Variants in DGLUCY observed in about 807,000 individuals in gnomAD.
The protein encoded by DGLUCY is D-glutamate cyclase, mitochondrial.
In DGLUCY, 58 loss-of-function variants were observed where a neutral mutation model predicts 58.5. That is an observed-to-expected ratio of 0.99 (90% CI 0.80 to 1.23). The LOEUF (loss-of-function observed/expected upper bound fraction) is 1.23, where lower values mean the gene tolerates loss of function less well. DGLUCY is among the 50% of genes most tolerant of loss of function. DGLUCY has a pLI of 0.00. For missense variants in DGLUCY, 779 were observed against 784.7 expected, an observed-to-expected ratio of 0.99 and a Z score of 0.09; for synonymous variants, 325 against 314.1, an observed-to-expected ratio of 1.03 and a Z score of -0.37.
chr14:91,153,126 C>T (rs1380326676), intron 1 of DGLUCY, among the ~76,000 whole-genome samples: 1 of 152,174 alleles, frequency 6.6e-6, no homozygotes, highest in Admixed American at 6.5e-5. Flanking sequence ...CGCCTTTTCT[C>T]AGCTGCCTTT....
intron 3 of DGLUCY, among the ~76,000 whole-genome samples, chr14:91,162,264 T>G (rs1023792908): frequency 2.6e-5 from 4 of 152,122 alleles, no homozygotes; most frequent in African/African-American, 9.7e-5. Context: ...ATTAGAAATG[T>G]TAAAGGGTGT....
At chr14:91,164,720 T>C (rs139943021) in intron 3 of DGLUCY, among the ~76,000 whole-genome samples, 79 of 152,252 alleles carry the variant, frequency 5.2e-4, no homozygotes, top group African/African-American at 1.8e-3. Context: ...TGGAACCACC[T>C]AAAGCTGGGG....
At chr14:91,063,668 G>T (rs1023213959) in intron 1 of DGLUCY, among the ~76,000 whole-genome samples, 1 of 152,256 alleles carries the variant, frequency 6.6e-6, no homozygotes, top group African/African-American at 2.4e-5. Flanking sequence ...GGCAGGCAAA[G>T]AGCCTATTCG....
chr14:91,195,365 A>T (rs2050138298), intron 9 of DGLUCY, among the ~76,000 whole-genome samples: 1 of 152,186 alleles, frequency 6.6e-6, no homozygotes, highest in Non-Finnish European at 1.5e-5. Context: ...ATTCTACAAC[A>T]ATACGTGTTC....
intron 1 of DGLUCY, among the ~76,000 whole-genome samples, chr14:91,128,140 A>G (rs540072004): frequency 6.6e-6 from 1 of 152,028 alleles, no homozygotes; most frequent in East Asian, 1.9e-4. Context: ...CCTGGTACAG[A>G]ATTCTGAGTT....
intron 1 of DGLUCY, among the ~76,000 whole-genome samples, chr14:91,120,906 C>T (rs1311996291): frequency 6.6e-6 from 1 of 152,178 alleles, no homozygotes; most frequent in Non-Finnish European, 1.5e-5. Flanking sequence ...TCTTCACATT[C>T]ATCCTCCACC....
upstream of DGLUCY, among the ~76,000 whole-genome samples, chr14:91,109,218 T>C (rs182193866): frequency 3.3e-5 from 5 of 152,286 alleles, no homozygotes; most frequent in Admixed American, 3.3e-4. Context: ...CTGCAAACCC[T>C]GGAACCCTTG....
intron 7 of DGLUCY, among the ~76,000 whole-genome samples, chr14:91,180,153 G>A (rs1040236517): frequency 2.6e-5 from 4 of 151,684 alleles, no homozygotes; most frequent in Admixed American, 2.6e-4. Context: ...GCCTCCCAAA[G>A]TATTGGGATT....
At chr14:91,085,240 A>G (rs894240900) in intron 1 of DGLUCY, among the ~76,000 whole-genome samples, 2 of 151,406 alleles carry the variant, frequency 1.3e-5, no homozygotes, top group African/African-American at 4.9e-5. Context: ...AAAAAAAAAA[A>G]AGTTAACAGA....
At chr14:91,075,009 T>C (rs1203379287) in intron 1 of DGLUCY, among the ~76,000 whole-genome samples, 1 of 151,658 alleles carries the variant, frequency 6.6e-6, no homozygotes, top group East Asian at 1.9e-4. Flanking sequence ...GAGGTGGAAG[T>C]TGCAGTGAGC....
intron 1 of DGLUCY, among the ~76,000 whole-genome samples, chr14:91,136,491 T>TG (rs1169397850): frequency 6.6e-6 from 1 of 151,848 alleles, no homozygotes; most frequent in Non-Finnish European, 1.5e-5. Context: ...AAGACCAGCC[T>TG]GGCCAACATG....
intron 1 of DGLUCY, chr14:91,108,136 G>T (rs76920016): frequency 0.03 from 4,652 of 152,820 alleles, 100 homozygotes; most frequent in South Asian, 0.058. Flanking sequence ...TGTGCAGGTG[G>T]AAGTGTCTTC....
chr14:91,130,576 G>A (rs2045973356), intron 1 of DGLUCY, among the ~76,000 whole-genome samples: 3 of 152,048 alleles, frequency 2.0e-5, no homozygotes, highest in African/African-American at 7.2e-5. Flanking sequence ...AAATTGCTGG[G>A]ATTACAGGTG....
intron 1 of DGLUCY, chr14:91,114,514 G>A (rs1453422169): frequency 2.6e-5 from 4 of 152,174 alleles, no homozygotes; most frequent in Non-Finnish European, 5.9e-5. Flanking sequence ...AGCACCTGAG[G>A]ACAGAACATA....
At chr14:91,106,969 A>C (rs2044603357), upstream of DGLUCY, among the ~76,000 whole-genome samples, 1 of 152,188 alleles carries the variant, frequency 6.6e-6, no homozygotes, top group Non-Finnish European at 1.5e-5. Context: ...GTTTTTAAAC[A>C]GTTACAGTTT....
intron 12 of DGLUCY, among the ~76,000 whole-genome samples, chr14:91,209,431 G>A (rs532181256): frequency 5.7e-4 from 87 of 151,546 alleles, no homozygotes; most frequent in African/African-American, 2.0e-3. Context: ...GATTGAGGCC[G>A]CGTGCGGTGG....
At chr14:91,172,196 G>A (rs991724521) in intron 5 of DGLUCY, among the ~76,000 whole-genome samples, 19 of 152,082 alleles carry the variant, frequency 1.2e-4, no homozygotes, top group Non-Finnish European at 1.5e-5. Flanking sequence ...TCAGCCTCCC[G>A]AGTAGCTGGG....
At chr14:91,219,526 G>C (rs1266217700) in intron 13 of DGLUCY, among the ~76,000 whole-genome samples, 1 of 152,368 alleles carries the variant, frequency 6.6e-6, no homozygotes, top group Non-Finnish European at 1.5e-5. Flanking sequence ...AGCTTGATTG[G>C]TTGGGGCAGA....
At chr14:91,136,493 G>A (rs1206478036) in intron 1 of DGLUCY, among the ~76,000 whole-genome samples, 1 of 151,868 alleles carries the variant, frequency 6.6e-6, no homozygotes, top group Non-Finnish European at 1.5e-5. Context: ...GACCAGCCTG[G>A]CCAACATGGT....
Sources: gnomAD v4.1 joint callset for allele counts (sites outside exome capture counted in the v4.1 genomes callset) on GRCh38, gnomAD v4.1.1 for gene constraint, MANE v1.5 for transcripts, NCBI Gene and HGNC (gene_info 2026-07-23, HGNC 2026-07-21) for gene names.